The following PLXNA1 variants were observed in gnomAD, a reference collection of about 807,000 sequenced individuals.
PLXNA1 encodes the protein plexin A1, also known as plexin-A1.
In PLXNA1, 77 loss-of-function variants were observed where a neutral mutation model predicts 191.7. The ratio of observed to expected loss-of-function variants is 0.40; its 90% CI spans 0.33 to 0.49. The LOEUF (loss-of-function observed/expected upper bound fraction) is 0.49, where lower values mean the gene tolerates loss of function less well. Among genes scored for constraint, PLXNA1 ranks in the 20% least tolerant of loss-of-function variants. The pLI is 0.63. For synonymous variants in PLXNA1, 1,137 were observed against 1,156.4 expected, an observed-to-expected ratio of 0.98 and a Z score of 0.34; for missense variants, 2,110 against 2,660.2, an observed-to-expected ratio of 0.79 and a Z score of 4.55.
intron 9 of PLXNA1, 88 bp from the exon 10 acceptor site, chr3:127,011,870 A>G: frequency 8.0e-7 from 1 of 1,246,434 alleles, no homozygotes; most frequent in Non-Finnish European, 1.2e-6. Context: ...GGAGCACCAC[A>G]GGCCCAGTGC....
In PLXNA1 at chr3:127,029,517, C is replaced by T; in HGVS notation, c.4851C>T (p.Thr1617=). The T allele has an allele frequency of 6.2e-7, 1 of 1,613,894 alleles. No homozygotes were observed. The highest frequency in any genetic ancestry group is 8.5e-7 in the Non-Finnish European group (1 of 1,179,944). Residue 1617 remains threonine, a synonymous_variant, in exon 27 of 32, where the codon ACC becomes ACT. Coordinates refer to ENST00000393409, the MANE Select transcript of PLXNA1 (RefSeq NM_032242.4). The part of the protein sequence containing the change: ...AYNISNSSTF[T]KSLSRYESML... The stretch of plus-strand genomic sequence containing the variant: ...ACATCTCCAACTCCTCCACCTTCAC[C>T]AAGTCCCTCAGCAGATACGGTGAGG...
Position 127,017,896 on chromosome 3 carries a change from C to T in PLXNA1, c.3660+4C>T, listed in dbSNP as rs763029974. ...CACTGGGCAGCACAAGGTCACGGTG[C>T]GTCTGTCCACCGGGGGTGCAGAGCT... On this transcript the variant is annotated splice_donor_region_variant and intron_variant, in intron 19 of 31. Coordinates refer to ENST00000393409, the MANE Select transcript of PLXNA1 (RefSeq NM_032242.4). 1.4e-5 allele frequency: 23 copies of T among 1,611,750 alleles called. No individual in the cohort carries two copies. Among genetic ancestry groups the T allele is most frequent in the East Asian group, 1.3e-4 (6 of 44,878 alleles).
intron 23 of PLXNA1, among the ~76,000 whole-genome samples, chr3:127,025,180 A>G (rs2079171048): frequency 6.6e-6 from 1 of 152,124 alleles, no homozygotes; most frequent in Admixed American, 6.6e-5. Context: ...ATAGTGTCAC[A>G]CAGAATAGTG....
rs1439017363 is a variant in PLXNA1 at position 126,991,242 on chromosome 3, C to T, written c.1195-142C>T. 4.8e-6 allele frequency: 4 copies of T among 837,558 alleles called. No individual in the cohort carries two copies. The African/African-American group carries it at 6.9e-5, about 14-fold the overall frequency. 51.9% of individuals were successfully genotyped at this position (837,558 alleles called of 1,614,324 possible). ...GTGATCTGCTCCCTCCTGTCTTAAA[C>T]CCTCTCTGTCTGCACCTCTCCTCTG... is the stretch of plus-strand genomic sequence containing the variant. On this transcript the variant is annotated intron_variant, in intron 2 of 31. Coordinates refer to ENST00000393409, the MANE Select transcript of PLXNA1 (RefSeq NM_032242.4).
intron 23 of PLXNA1, chr3:127,027,701 T>G: frequency 1.8e-5 from 12 of 663,210 alleles, no homozygotes; most frequent in Non-Finnish European, 2.8e-5. Flanking sequence ...TCCTGGCTCA[T>G]GTGTAATTTA....
At chr3:126,999,740 C>T (rs1433437237) in intron 3 of PLXNA1, among the ~76,000 whole-genome samples, 1 of 152,100 alleles carries the variant, frequency 6.6e-6, no homozygotes, top group Non-Finnish European at 1.5e-5. Flanking sequence ...TGCATTGAGC[C>T]CTGCCTGCTG....
chr3:127,030,502 C>A, intron 29 of PLXNA1, 90 bp downstream of exon 29: 4 of 1,474,096 alleles, frequency 2.7e-6, no homozygotes, highest in Admixed American at 1.9e-5. Context: ...CCGGAGCCCC[C>A]ACTTGGGGCT....
chr3:126,985,317 CCT>C (rs1208382029), intron 1 of PLXNA1, among the ~76,000 whole-genome samples: 10 of 152,070 alleles, frequency 6.6e-5, no homozygotes, highest in Admixed American at 6.6e-5. Flanking sequence ...TCTCTCTCCG[CCT>C]CTCTCTCCCT....
Position 127,012,086 on chromosome 3 carries a change from C to T in PLXNA1, c.2241C>T (p.His747=), listed in dbSNP as rs2079098608. Residue 747 remains histidine, a synonymous_variant, in exon 10 of 32, where the codon CAC becomes CAT. Transcript: ENST00000393409. ...AGCGTGGATATGAGTGCCTCTTCCA[C>T]ATCCCGGGCAGCCCGGCCCGTGTCA... ...SGQRGYECLF[H]IPGSPARVTA... 1.2e-6 allele frequency: 2 copies of T among 1,613,708 alleles called. No individual in the cohort carries two copies. The highest frequency in any genetic ancestry group is 2.2e-5 in the East Asian group (1 of 44,888).
At chr3:126,986,246 G>A (rs2078958562) in intron 1 of PLXNA1, among the ~76,000 whole-genome samples, 2 of 152,360 alleles carry the variant, frequency 1.3e-5, no homozygotes, top group South Asian at 2.1e-4. Flanking sequence ...CACTGCCACT[G>A]TGAGGAGCCT....
chr3:127,014,695 G>GCCCGCCTGCCCACA lies in PLXNA1; in HGVS notation c.2757-15_2757-2dup. On this transcript the variant is annotated splice_polypyrimidine_tract_variant and intron_variant, in intron 13 of 31. Coordinates refer to ENST00000393409, the MANE Select transcript of PLXNA1 (RefSeq NM_032242.4). ...GGGCGGGGCTCCTGCAGCCCCTGAGGCCCGCCTGCCCACAGGATCGTCTGT... is the reference window on the plus strand; with the variant it reads ...GGGCGGGGCTCCTGCAGCCCCTGAGGCCCGCCTGCCCACACCCGCCTGCCCACAGGATCGTCTGT... 6.2e-7 allele frequency: 1 copy of GCCCGCCTGCCCACA among 1,610,826 alleles called. No individual in the cohort carries two copies. The highest frequency in any genetic ancestry group is 2.2e-5 in the East Asian group (1 of 44,846).
At chr3:127,009,877 C>A (rs2079087391) in intron 9 of PLXNA1, among the ~76,000 whole-genome samples, 1 of 152,236 alleles carries the variant, frequency 6.6e-6, no homozygotes, top group African/African-American at 2.4e-5. Flanking sequence ...GGAGCCCCCA[C>A]CGAAGCTGAG....
In PLXNA1 at chr3:127,003,422, C is replaced by T. The variant is rs759004029; in HGVS notation, c.1470C>T (p.Leu490=). The T allele has an allele frequency of 7.4e-6, 12 of 1,612,326 alleles. No homozygotes were observed. The highest frequency in any genetic ancestry group is 2.2e-5 in the East Asian group (1 of 44,856). The change falls in exon 4 of 32, where the codon CTC becomes CTT. Residue 490 remains leucine (L), a synonymous_variant. Coordinates refer to ENST00000393409, the MANE Select transcript of PLXNA1 (RefSeq NM_032242.4). ...AQEGSPILRD[L]VLSPNHQYLY... ...AGGGCAGCCCCATCCTGCGAGACCT[C>T]GTCCTCAGCCCCAACCACCAGTACC...
intron 3 of PLXNA1, among the ~76,000 whole-genome samples, chr3:126,997,849 G>A (rs571597884): frequency 6.6e-6 from 1 of 152,364 alleles, no homozygotes; most frequent in South Asian, 2.1e-4. Context: ...CAGGGCACGG[G>A]CCCGTCAACA....
At chr3:126,996,277 C>T (rs1396225003) in intron 3 of PLXNA1, among the ~76,000 whole-genome samples, 3 of 152,198 alleles carry the variant, frequency 2.0e-5, no homozygotes, top group Non-Finnish European at 4.4e-5. Context: ...AGCTGGGCAC[C>T]TGCTGTGTGC....
intron 23 of PLXNA1, among the ~76,000 whole-genome samples, chr3:127,023,657 G>A (rs1471551041): frequency 1.3e-5 from 2 of 152,234 alleles, no homozygotes; most frequent in East Asian, 3.8e-4. Flanking sequence ...GGGCCGTGGG[G>A]CTTTCAGGCC....
chr3:127,001,906 G>A (rs1317324688), intron 3 of PLXNA1, among the ~76,000 whole-genome samples: 4 of 152,258 alleles, frequency 2.6e-5, no homozygotes, highest in Admixed American at 1.3e-4. Context: ...CTGAGTACCT[G>A]CCTCTGGCCA....
At chr3:126,983,678 C>A (rs1391814811) in intron 1 of PLXNA1, among the ~76,000 whole-genome samples, 3 of 151,044 alleles carry the variant, frequency 2.0e-5, no homozygotes, top group Non-Finnish European at 4.4e-5. Flanking sequence ...GGGCGCTGCC[C>A]CTCCACGGAG....
intron 22 of PLXNA1, 98 bp downstream of exon 22, chr3:127,022,439 C>A: frequency 6.8e-7 from 1 of 1,466,742 alleles, no homozygotes; most frequent in Non-Finnish European, 9.2e-7. Context: ...TGTGGCAGTT[C>A]CCACCGGGCA....
Sources: gnomAD v4.1 joint callset for allele counts (sites outside exome capture counted in the v4.1 genomes callset) on GRCh38, gnomAD v4.1.1 for gene constraint, MANE v1.5 for transcripts, NCBI Gene and HGNC (gene_info 2026-07-23, HGNC 2026-07-21) for gene names.